The following NRG1 variants were observed in gnomAD, a reference collection of about 807,000 sequenced individuals.
NRG1 encodes pro-neuregulin-1, membrane-bound isoform.
In NRG1, 18 loss-of-function variants were observed where a neutral mutation model predicts 63.8. The ratio of observed to expected loss-of-function variants is 0.28; its 90% CI spans 0.19 to 0.42. The LOEUF (loss-of-function observed/expected upper bound fraction) is 0.42. Among genes scored for constraint, NRG1 ranks in the 10% least tolerant of loss-of-function variants. The pLI is 1.00. For synonymous variants in NRG1, 302 were observed against 301.3 expected, an observed-to-expected ratio of 1.00 and a Z score of -0.02; for missense variants, 762 against 814.7, an observed-to-expected ratio of 0.94 and a Z score of 0.79.
intron 6 of NRG1, among the ~76,000 whole-genome samples, chr8:32,729,571 A>G (rs917304425): frequency 6.6e-6 from 1 of 152,234 alleles, no homozygotes; most frequent in African/African-American, 2.4e-5. Flanking sequence ...AGGAAGAACA[A>G]GTCTGTTAGA....
chr8:32,229,240 TG>T (rs1846648838), intron 1 of NRG1, among the ~76,000 whole-genome samples: 1 of 152,174 alleles, frequency 6.6e-6, no homozygotes, highest in Non-Finnish European at 1.5e-5. Flanking sequence ...GGTGAAATGA[TG>T]CGTGCCAAGA....
intron 1 of NRG1, among the ~76,000 whole-genome samples, chr8:31,976,751 A>G (rs1375771626): frequency 6.6e-6 from 1 of 152,060 alleles, no homozygotes; most frequent in Non-Finnish European, 1.5e-5. Context: ...CAAATGCTAA[A>G]GTGAAGTGAA....
At chr8:31,862,349 G>A (rs1416002575) in intron 1 of NRG1, among the ~76,000 whole-genome samples, 1 of 152,144 alleles carries the variant, frequency 6.6e-6, no homozygotes, top group Non-Finnish European at 1.5e-5. Flanking sequence ...TCTAAAACTC[G>A]AGTTTGTTAA....
chr8:32,440,141 C>T (rs1041107496), intron 1 of NRG1, among the ~76,000 whole-genome samples: 2 of 152,046 alleles, frequency 1.3e-5, no homozygotes, highest in African/African-American at 4.8e-5. Context: ...AACTGTCACA[C>T]ACTTTTAAAC....
intron 1 of NRG1, among the ~76,000 whole-genome samples, chr8:31,792,371 G>C (rs1456854886): frequency 1.3e-5 from 2 of 152,144 alleles, no homozygotes; most frequent in Non-Finnish European, 2.9e-5. Context: ...TAGAAGCCCA[G>C]TACACAGGAG....
chr8:31,952,724 T>C (rs1047101312), intron 1 of NRG1, among the ~76,000 whole-genome samples: 1 of 152,228 alleles, frequency 6.6e-6, no homozygotes, highest in Non-Finnish European at 1.5e-5. Flanking sequence ...GCTGGTACAT[T>C]CCTGGAGTTT....
chr8:31,969,221 TG>T (rs1806875642), intron 1 of NRG1, among the ~76,000 whole-genome samples: 1 of 152,246 alleles, frequency 6.6e-6, no homozygotes, highest in Non-Finnish European at 1.5e-5. Flanking sequence ...ATGAAAGTAC[TG>T]TGAAGTTTCT....
chr8:32,147,206 C>A (rs2131792988), intron 1 of NRG1, among the ~76,000 whole-genome samples: 1 of 152,192 alleles, frequency 6.6e-6, no homozygotes. Context: ...CAATATACGT[C>A]AAATTTATAT....
At chr8:32,007,852 G>A (rs1436784934) in intron 1 of NRG1, among the ~76,000 whole-genome samples, 1 of 151,936 alleles carries the variant, frequency 6.6e-6, no homozygotes, top group Non-Finnish European at 1.5e-5. Flanking sequence ...AAATTGGCTA[G>A]AAGGCAAATC....
chr8:32,011,065 A>T (rs1814676413), intron 1 of NRG1, among the ~76,000 whole-genome samples: 1 of 152,106 alleles, frequency 6.6e-6, no homozygotes, highest in African/African-American at 2.4e-5. Flanking sequence ...ATAAGATACA[A>T]AAGAGAAATG....
At chr8:32,111,591 C>T (rs1832036456) in intron 1 of NRG1, among the ~76,000 whole-genome samples, 1 of 152,184 alleles carries the variant, frequency 6.6e-6, no homozygotes, top group African/African-American at 2.4e-5. Context: ...ATATGAATTG[C>T]AATCACATTG....
chr8:31,678,550 G>T (rs765510368), intron 1 of NRG1, among the ~76,000 whole-genome samples: 2 of 151,368 alleles, frequency 1.3e-5, no homozygotes, highest in Non-Finnish European at 2.9e-5. Context: ...CTTCACTTAC[G>T]CTTTTTCCAT....
intron 1 of NRG1, among the ~76,000 whole-genome samples, chr8:31,849,920 T>C (rs1393616846): frequency 6.6e-6 from 1 of 152,142 alleles, no homozygotes; most frequent in African/African-American, 2.4e-5. Flanking sequence ...ATATGTTTTA[T>C]AAAAAGGTGA....
At chr8:32,567,070 T>G (rs1271145426) in intron 1 of NRG1, among the ~76,000 whole-genome samples, 3 of 152,196 alleles carry the variant, frequency 2.0e-5, no homozygotes, top group Non-Finnish European at 4.4e-5. Flanking sequence ...CTTGAACTCC[T>G]GGCCTCAAGT....
chr8:32,448,604 C>G (rs1001103669), intron 1 of NRG1, among the ~76,000 whole-genome samples: 1 of 152,058 alleles, frequency 6.6e-6, no homozygotes, highest in African/African-American at 2.4e-5. Context: ...CTAAGGTAAC[C>G]GCAAGATGAG....
chr8:32,714,071 G>A (rs1257088905), intron 5 of NRG1, among the ~76,000 whole-genome samples: 6 of 151,874 alleles, frequency 4.0e-5, no homozygotes, highest in Admixed American at 2.6e-4. Context: ...GTGATCTGCC[G>A]ACCTCGGCCT....
chr8:32,052,543 A>C (rs1055541177), intron 1 of NRG1, among the ~76,000 whole-genome samples: 2 of 152,106 alleles, frequency 1.3e-5, no homozygotes, highest in Non-Finnish European at 2.9e-5. Flanking sequence ...CTACGTTTTC[A>C]AATCTAAAAA....
At chr8:32,269,070 C>G (rs1320733422) in intron 1 of NRG1, among the ~76,000 whole-genome samples, 1 of 152,076 alleles carries the variant, frequency 6.6e-6, no homozygotes, top group Non-Finnish European at 1.5e-5. Flanking sequence ...CCTTCCCTCT[C>G]TTTTCCTCTC....
chr8:31,784,310 G>A (rs1049306113), intron 1 of NRG1, among the ~76,000 whole-genome samples: 2 of 152,188 alleles, frequency 1.3e-5, no homozygotes, highest in Non-Finnish European at 2.9e-5. Context: ...AAATCATGGT[G>A]AAACTTATTC....
Sources: gnomAD v4.1 joint callset for allele counts (sites outside exome capture counted in the v4.1 genomes callset) on GRCh38, gnomAD v4.1.1 for gene constraint, MANE v1.5 for transcripts, NCBI Gene and HGNC (gene_info 2026-07-23, HGNC 2026-07-21) for gene names.